Variants in SHISA6 observed in about 807,000 individuals in gnomAD.
SHISA6 encodes the protein shisa family member 6, also known as protein shisa-6.
Under a neutral mutation model 47.9 loss-of-function variants are expected in SHISA6, and 22 were observed. That is an observed-to-expected ratio of 0.46 (90% CI 0.33 to 0.66). The LOEUF is 0.66. SHISA6 is among the 30% of genes least tolerant of loss of function. The pLI is 0.02. For missense variants in SHISA6, 680 were observed against 764.6 expected, an observed-to-expected ratio of 0.89 and a Z score of 1.30; for synonymous variants, 388 against 337.8, an observed-to-expected ratio of 1.15 and a Z score of -1.63.
intron 3 of SHISA6, among the ~76,000 whole-genome samples, chr17:11,503,019 A>T (rs986062973): frequency 3.3e-5 from 5 of 152,208 alleles, no homozygotes; most frequent in African/African-American, 1.2e-4. Flanking sequence ...TTGATCAACC[A>T]TGTACTTTTT....
chr17:11,543,307 G>A (rs1036466671), intron 3 of SHISA6, among the ~76,000 whole-genome samples: 3 of 152,134 alleles, frequency 2.0e-5, no homozygotes, highest in Non-Finnish European at 4.4e-5. Flanking sequence ...GACAAAGGAG[G>A]AGGATTCATT....
At chr17:11,462,002 T>G (rs563561453) in intron 3 of SHISA6, among the ~76,000 whole-genome samples, 1 of 151,990 alleles carries the variant, frequency 6.6e-6, no homozygotes. Flanking sequence ...CATTTTGTGT[T>G]GATATTGGTG....
rs149383464 is a variant in SHISA6, at chr17:11,328,819, G to A, written c.800-50595G>A. Among the ~76,000 whole-genome samples the A allele has an allele frequency of 2.8e-3, 428 of 152,244 alleles. 1 individual carries two copies. Among genetic ancestry groups the A allele is most frequent in the African/African-American group, 9.5e-3 (394 of 41,560 alleles). Reference sequence around the variant, plus strand: ...AGGGGCAAATGGAGAGGGAGGAAAGGGTGCCCCTTAGATGGAGTCATCTCT... The same window carrying A: ...AGGGGCAAATGGAGAGGGAGGAAAGAGTGCCCCTTAGATGGAGTCATCTCT... On this transcript the variant is annotated intron_variant, in intron 2 of 5. Transcript: ENST00000441885.
intron 3 of SHISA6, among the ~76,000 whole-genome samples, chr17:11,433,489 G>A (rs1597510973): frequency 1.3e-5 from 2 of 152,042 alleles, no homozygotes; most frequent in African/African-American, 2.4e-5. Flanking sequence ...TCATTGATGG[G>A]CATTTGGTTT....
At chr17:11,461,173 G>A (rs1017483731) in intron 3 of SHISA6, among the ~76,000 whole-genome samples, 1 of 152,184 alleles carries the variant, frequency 6.6e-6, no homozygotes, top group Admixed American at 6.5e-5. Context: ...GGAGGCAGGC[G>A]GATCACGAGG....
chr17:11,350,261 G>C (rs1397354870), intron 2 of SHISA6, among the ~76,000 whole-genome samples: 1 of 77,414 alleles, frequency 1.3e-5, no homozygotes, highest in Non-Finnish European at 2.5e-5. Context: ...CTCACTGCAA[G>C]CTCCGCCTCC....
At chr17:11,531,373 G>A (rs2071731661) in intron 3 of SHISA6, among the ~76,000 whole-genome samples, 1 of 151,972 alleles carries the variant, frequency 6.6e-6, no homozygotes, top group African/African-American at 2.4e-5. Context: ...GATTCTCAGA[G>A]CAGGTTAGCT....
At chr17:11,535,153 G>T (rs1417605209) in intron 3 of SHISA6, among the ~76,000 whole-genome samples, 1 of 151,942 alleles carries the variant, frequency 6.6e-6, no homozygotes, top group Admixed American at 6.6e-5. Context: ...AAATAAAATA[G>T]AAATAAAAGA....
chr17:11,493,222 TTTTTC>T (rs1330427384), intron 3 of SHISA6, among the ~76,000 whole-genome samples: 1 of 152,008 alleles, frequency 6.6e-6, no homozygotes, highest in Admixed American at 6.6e-5. Context: ...AACTCCTTTT[TTTTTC>T]TTTTCTTTTT....
intron 3 of SHISA6, among the ~76,000 whole-genome samples, chr17:11,399,182 T>G (rs1913680821): frequency 6.6e-6 from 1 of 152,044 alleles, no homozygotes; most frequent in Non-Finnish European, 1.5e-5. Flanking sequence ...AAAGATAGAG[T>G]AGGAGAAATG....
intron 2 of SHISA6, 87 bp downstream of exon 2, chr17:11,263,613 C>T: frequency 1.4e-6 from 2 of 1,481,046 alleles, no homozygotes; most frequent in Non-Finnish European, 1.8e-6. Context: ...AGGTTGTGGA[C>T]CATGATGGTG....
chr17:11,292,736 G>A lies in SHISA6; in HGVS notation c.799+29210G>A, dbSNP rs144450560. Among the ~76,000 whole-genome samples the A allele has an allele frequency of 6.9e-3, 1,049 of 152,022 alleles. 9 individuals carry two copies. Among genetic ancestry groups the A allele is most frequent in the African/African-American group, 0.023 (974 of 41,480 alleles). ...AGACGAGATGAACTTGCGTCCTTCC[G>A]GTGGGATACATAAACTTGACTGTGA... is the stretch of plus-strand genomic sequence containing the variant. On this transcript the variant is annotated intron_variant, in intron 2 of 5. Coordinates refer to ENST00000441885, the MANE Select transcript of SHISA6 (RefSeq NM_207386.4).
At chr17:11,424,378 A>G (rs1184016219) in intron 3 of SHISA6, among the ~76,000 whole-genome samples, 1 of 152,236 alleles carries the variant, frequency 6.6e-6, no homozygotes, top group South Asian at 2.1e-4. Context: ...TCAACCATCA[A>G]TTTATAACCA....
intron 3 of SHISA6, among the ~76,000 whole-genome samples, chr17:11,513,270 C>CAT (rs960335411): frequency 9.3e-5 from 14 of 151,098 alleles, no homozygotes; most frequent in South Asian, 2.1e-4. Context: ...AAGATACATA[C>CAT]ATATATATAT....
chr17:11,306,450 G>A (rs148141956), intron 2 of SHISA6, among the ~76,000 whole-genome samples: 104 of 152,294 alleles, frequency 6.8e-4, no homozygotes, highest in African/African-American at 2.4e-3. Context: ...GAGTGGAGGA[G>A]GTTTCTGATT....
At chr17:11,507,710 A>C (rs1355648728) in intron 3 of SHISA6, among the ~76,000 whole-genome samples, 1 of 152,184 alleles carries the variant, frequency 6.6e-6, no homozygotes, top group East Asian at 1.9e-4. Flanking sequence ...CCTGCTGTTC[A>C]CTGACACCCT....
chr17:11,529,026 A>G (rs1339602160), intron 3 of SHISA6, among the ~76,000 whole-genome samples: 1 of 151,906 alleles, frequency 6.6e-6, no homozygotes. Flanking sequence ...CCCCATCTCT[A>G]CTAAAAATAC....
rs563447313 is a variant in SHISA6 at position 11,289,037 on chromosome 17, A to T, written c.799+25511A>T. On this transcript the variant is annotated intron_variant, in intron 2 of 5. Coordinates refer to ENST00000441885, the MANE Select transcript of SHISA6 (RefSeq NM_207386.4). ...CATTTAACACAGAATCTTTCAAATA[A>T]TAAATACACAACAAATGTTTTTGTT... 3 of 152,314 alleles carry T rather than the reference A, an allele frequency of 2.0e-5. No individual in the cohort carries two copies. In the East Asian group the frequency reaches 5.8e-4, roughly 29 times the overall value. The allele number at this position is 152,314 out of a possible 1,614,324, so 9.4% of individuals were successfully genotyped here. A position where few individuals can be genotyped will look rare whatever the true frequency, so the allele number is the denominator to read the frequency against.
At chr17:11,542,578 T>C (rs2142379979) in intron 3 of SHISA6, among the ~76,000 whole-genome samples, 1 of 152,322 alleles carries the variant, frequency 6.6e-6, no homozygotes. Context: ...TTGGTGGGGA[T>C]GAGTCATTCA....
Sources: allele counts gnomAD v4.1 joint callset (sites outside exome capture counted in the v4.1 genomes callset), GRCh38; gene constraint gnomAD v4.1.1; transcripts MANE v1.5; gene names NCBI Gene and HGNC (gene_info 2026-07-23, HGNC 2026-07-21).